The following CEP85 variants were observed in gnomAD, a reference collection of about 807,000 sequenced individuals.
CEP85 encodes centrosomal protein of 85 kDa.
A neutral mutation model predicts 93.7 loss-of-function variants in CEP85; 58 were observed. The ratio of observed to expected loss-of-function variants is 0.62; its 90% CI spans 0.50 to 0.77. The LOEUF (loss-of-function observed/expected upper bound fraction) is 0.77. CEP85 is among the 30% of genes least tolerant of loss of function. CEP85 has a pLI of 0.00. For missense variants in CEP85, 868 were observed against 922.0 expected (o/e 0.94, Z 0.76); for synonymous variants, 314 against 338.6 (o/e 0.93, Z 0.80).
intron 11 of CEP85, among the ~76,000 whole-genome samples, chr1:26,273,161 A>AG (rs951069301): frequency 1.3e-5 from 2 of 152,198 alleles, no homozygotes; most frequent in African/African-American, 4.8e-5. Context: ...GACAAGATGT[A>AG]GGGGTTGAAG....
chr1:26,263,180 C>T (rs1374844680), intron 7 of CEP85: 2 of 265,014 alleles, frequency 7.5e-6, no homozygotes, highest in Non-Finnish European at 1.5e-5. Context: ...ATCATGCTTT[C>T]AACAGTTGTG....
intron 7 of CEP85, among the ~76,000 whole-genome samples, chr1:26,262,348 G>A (rs1051131815): frequency 6.6e-6 from 1 of 151,860 alleles, no homozygotes; most frequent in Admixed American, 6.6e-5. Context: ...TATGGTGGTG[G>A]GCTCCTGTAA....
In CEP85 at chr1:26,257,686, C is replaced by A. The variant is rs868325445; in HGVS notation, c.993C>A (p.Asn331Lys). 1 of 1,614,184 alleles carries A rather than the reference C, an allele frequency of 6.2e-7. No homozygotes were observed. The highest frequency in any genetic ancestry group is 8.5e-7 in the Non-Finnish European group (1 of 1,180,018). ...CAGCACAGTGGATCAGCATCTTGAACAGTAATGAACACCTTCTGAAGGAAA... is the reference window on the plus strand; with the variant it reads ...CAGCACAGTGGATCAGCATCTTGAAAAGTAATGAACACCTTCTGAAGGAAA... The part of the protein sequence containing the change: ...LEPAQWISIL[N>K]SNEHLLKEKE... The change falls in exon 5 of 14, where the codon AAC (asparagine) becomes AAA (lysine). Residue 331 changes from asparagine (N) to lysine (K), a missense_variant. Asn to Lys is a moderately conservative substitution (Grantham distance 94, BLOSUM62 0). Transcript: ENST00000451429.
intron 6 of CEP85, 23 bp from the exon 7 acceptor site, chr1:26,259,594 C>T (rs2089774578): frequency 6.3e-6 from 10 of 1,592,526 alleles, no homozygotes; most frequent in Non-Finnish European, 8.6e-6. Flanking sequence ...AGAACAGTTA[C>T]ATATTGAGAA....
chr1:26,248,534 C>T (rs1040646299), intron 3 of CEP85, among the ~76,000 whole-genome samples: 4 of 151,494 alleles, frequency 2.6e-5, no homozygotes, highest in Admixed American at 6.6e-5. Flanking sequence ...GTCGCTCTGT[C>T]GCCCAGGCTG....
At chr1:26,243,948 G>A (rs112657032) in intron 2 of CEP85, among the ~76,000 whole-genome samples, 11 of 143,220 alleles carry the variant, frequency 7.7e-5, no homozygotes, top group African/African-American at 2.2e-4. Context: ...AGTGAGCTGC[G>A]CGCCACTGCA....
At chr1:26,242,049 A>G (rs2089436773) in intron 2 of CEP85, among the ~76,000 whole-genome samples, 1 of 152,038 alleles carries the variant, frequency 6.6e-6, no homozygotes, top group Non-Finnish European at 1.5e-5. Context: ...GGCATGAGCC[A>G]CTGCACCCGG....
At chr1:26,269,142 C>T (rs2089935294) in intron 8 of CEP85, 1 of 297,956 alleles carries the variant, frequency 3.4e-6, no homozygotes, top group African/African-American at 2.1e-5. Context: ...ACCACTCTGG[C>T]TCATAAACCT....
chr1:26,263,862 A>G (rs1195714879), intron 7 of CEP85, among the ~76,000 whole-genome samples: 1 of 152,176 alleles, frequency 6.6e-6, no homozygotes, highest in Admixed American at 6.5e-5. Context: ...ATCAAAAATC[A>G]TGTATTCAAG....
At position 26,269,546 on chromosome 1, in the gene CEP85, CA is replaced by C; in HGVS notation, c.1582del (p.Arg528GlufsTer10). The C allele has an allele frequency of 6.2e-7, 1 of 1,613,948 alleles. No homozygotes were observed. Among genetic ancestry groups the C allele is most frequent in the Non-Finnish European group, 8.5e-7 (1 of 1,179,918 alleles). ...SLLEETQAIC[R>X]EKEIQLESLR... ...TGCTGGAGGAGACCCAGGCAATCTG[CA>C]GAGAGAAGGAGATTCAACTGGAAAG... is the stretch of plus-strand genomic sequence containing the variant. On this transcript the variant is annotated frameshift_variant, in exon 9 of 14. Transcript: ENST00000451429. LOFTEE classifies it high-confidence loss of function.
intron 10 of CEP85, chr1:26,271,813 C>G: frequency 1.7e-6 from 1 of 589,198 alleles, no homozygotes; most frequent in Non-Finnish European, 3.1e-6. Flanking sequence ...CTGTATAAAC[C>G]TTTGTGATTG....
intron 7 of CEP85, among the ~76,000 whole-genome samples, chr1:26,264,806 T>C (rs2089867982): frequency 6.6e-6 from 1 of 152,010 alleles, no homozygotes; most frequent in African/African-American, 2.4e-5. Flanking sequence ...GTTCTATACA[T>C]AGTTTTTTTT....
rs147889844 is a variant in CEP85, at chr1:26,240,233, T to C, written c.55+395T>C. ...TTGGATGCCAACAGATTCCGTTGCA[T>C]TGTTACTAGAAACTCAGGAATTTAT... On this transcript the variant is annotated intron_variant, in intron 2 of 13. Transcript: ENST00000451429. Among the ~76,000 whole-genome samples the C allele has an allele frequency of 1.3e-3, 192 of 152,316 alleles. 1 individual carries two copies. The highest frequency in any genetic ancestry group is 4.5e-3 in the African/African-American group (185 of 41,570).
intron 3 of CEP85, among the ~76,000 whole-genome samples, chr1:26,249,559 G>C (rs766392342): frequency 3.3e-5 from 5 of 152,186 alleles, no homozygotes; most frequent in Non-Finnish European, 7.3e-5. Flanking sequence ...TCGAGGGACA[G>C]AGTAGAGGTG....
At chr1:26,239,521 T>G (rs1325685550) in intron 1 of CEP85, among the ~76,000 whole-genome samples, 2 of 150,956 alleles carry the variant, frequency 1.3e-5, no homozygotes, top group Non-Finnish European at 2.9e-5. Context: ...CCGGCCAATT[T>G]TTGTGTTTTT....
Position 26,258,229 on chromosome 1 carries a change from C to T in CEP85, c.1124C>T (p.Pro375Leu), listed in dbSNP as rs747304339. The change falls in exon 6 of 14, where the codon CCC becomes CTC. Residue 375 changes from proline to leucine, a missense_variant. Physicochemically the swap from Pro to Leu is moderately conservative, Grantham distance 98 (BLOSUM62 -3). Transcript: ENST00000451429. ...VHSALLGRPA[P>L]FGDVCLLRLQ... is the part of the protein sequence containing the mutation. ...AGTGCCCTCTTGGGCCGCCCTGCCCCCTTTGGTGATGTCTGCTTGCTGAGG... is the reference window on the plus strand; with the variant it reads ...AGTGCCCTCTTGGGCCGCCCTGCCCTCTTTGGTGATGTCTGCTTGCTGAGG... 1.2e-6 allele frequency: 2 copies of T among 1,613,812 alleles called. No individual in the cohort carries two copies. Among genetic ancestry groups the T allele is most frequent in the African/African-American group, 2.7e-5 (2 of 74,904 alleles).
In CEP85 at chr1:26,277,413, G is replaced by A. The variant is rs2090069735; in HGVS notation, c.*120G>A. On this transcript the variant is annotated 3_prime_UTR_variant, in exon 14 of 14. Transcript: ENST00000451429. ...GAGAGGTCTCAGAGGGGAGGGGAGAGCCTGCATCTGGGGGCCAAGGGCTGA... is the reference window on the plus strand; with the variant it reads ...GAGAGGTCTCAGAGGGGAGGGGAGAACCTGCATCTGGGGGCCAAGGGCTGA... 9 of 967,134 alleles carry A rather than the reference G, an allele frequency of 9.3e-6. No individual in the cohort carries two copies. In the South Asian group the frequency reaches 1.5e-4, roughly 16 times the overall value. The allele number at this position is 967,134 out of a possible 1,614,324, so 59.9% of individuals were successfully genotyped here.
chr1:26,268,397 G>A, intron 7 of CEP85, 86 bp from the exon 8 acceptor site: 3 of 1,492,996 alleles, frequency 2.0e-6, no homozygotes, highest in Non-Finnish European at 2.8e-6. Context: ...GGTGGAGGCT[G>A]CAGTCAGCTG....
intron 3 of CEP85, among the ~76,000 whole-genome samples, chr1:26,246,824 G>A (rs889440983): frequency 7.9e-5 from 12 of 151,824 alleles, no homozygotes; most frequent in South Asian, 2.1e-4. Flanking sequence ...GTAGAGCACC[G>A]TTAAGAAAAA....
Sources: allele counts gnomAD v4.1 joint callset (sites outside exome capture counted in the v4.1 genomes callset), GRCh38; gene constraint gnomAD v4.1.1; transcripts MANE v1.5; gene names NCBI Gene and HGNC (gene_info 2026-07-23, HGNC 2026-07-21).